Variants in LPL observed in about 807,000 individuals in gnomAD.
The protein encoded by LPL is lipoprotein lipase.
In LPL, 43 loss-of-function variants were observed where a neutral mutation model predicts 52.2. The ratio of observed to expected loss-of-function variants is 0.82; its 90% CI spans 0.64 to 1.06. LPL has a LOEUF of 1.06. Among genes scored for constraint, LPL ranks in the 50% least tolerant of loss-of-function variants. The probability of loss-of-function intolerance (pLI) is 0.00; values close to 1 mark genes in which losing one functional copy is unlikely to be tolerated. For missense variants in LPL, 639 were observed against 585.3 expected (o/e 1.09, Z -0.95); for synonymous variants, 244 against 215.6 (o/e 1.13, Z -1.15).
rs76708715 is a variant in LPL at position 19,959,377 on chromosome 8, C to T, written c.1136C>T (p.Thr379Ile). 1.3e-3 allele frequency: 2,072 copies of T among 1,614,122 alleles called. 4 individuals carry two copies. Among genetic ancestry groups the T allele is most frequent in the Non-Finnish European group, 1.2e-3 (1,445 of 1,180,008 alleles). ...GCCGAGAGTGAGAACATCCCATTCA[C>T]TCTGTGAGTAGCACAGGGGGGCGGT... Reference protein sequence around the residue: ...TVAESENIPFTLPEVSTNKTY... With the variant: ...TVAESENIPFILPEVSTNKTY... The change falls in exon 7 of 10, where the codon ACT becomes ATT. Residue 379 changes from threonine (T) to isoleucine (I), a missense_variant. Coordinates refer to ENST00000650287, the MANE Select transcript of LPL (RefSeq NM_000237.3).
At chr8:19,958,528 T>C (rs2070007487) in intron 6 of LPL, among the ~76,000 whole-genome samples, 1 of 152,146 alleles carries the variant, frequency 6.6e-6, no homozygotes, top group Non-Finnish European at 1.5e-5. Flanking sequence ...AGGCAGTCCT[T>C]GTGGCCTCAC....
intron 1 of LPL, chr8:19,946,531 G>A (rs1272520140): frequency 1.1e-5 from 3 of 272,094 alleles, no homozygotes; most frequent in Admixed American, 1.0e-4. Flanking sequence ...TTATTGGCCT[G>A]ACTTCCGCAG....
intron 9 of LPL, among the ~76,000 whole-genome samples, chr8:19,964,488 GTTAT>G (rs1425179837): frequency 1.3e-5 from 2 of 152,112 alleles, no homozygotes; most frequent in Admixed American, 1.3e-4. Flanking sequence ...TGACAGAACA[GTTAT>G]TTAGACAGAG....
intron 9 of LPL, among the ~76,000 whole-genome samples, chr8:19,963,939 T>C (rs537285798): frequency 8.1e-4 from 123 of 151,356 alleles, no homozygotes; most frequent in African/African-American, 2.9e-3. Flanking sequence ...TAGATGAAGT[T>C]TTTTTTGTTT....
rs1043176359 is a variant in LPL, at chr8:19,939,395, C to T, written c.-46C>T. ...CCAGCCTCCGGCTCAGCCGGCTCAT[C>T]AGTCGGTCCGCGCCTTGCAGCTCCT... On this transcript the variant is annotated 5_prime_UTR_variant, in exon 1 of 10. Coordinates refer to ENST00000650287, the MANE Select transcript of LPL (RefSeq NM_000237.3). The surrounding 1 kb of genome is among the most constrained non-coding windows in gnomAD (Gnocchi z 4.0). The T allele has an allele frequency of 3.9e-6, 6 of 1,555,150 alleles. No individual in the cohort carries two copies. Among genetic ancestry groups the T allele is most frequent in the African/African-American group, 2.7e-5 (2 of 73,850 alleles).
intron 1 of LPL, among the ~76,000 whole-genome samples, chr8:19,947,578 C>A (rs1418281112): frequency 2.6e-5 from 4 of 151,924 alleles, no homozygotes; most frequent in African/African-American, 2.4e-5. Flanking sequence ...TGCAGTGAAC[C>A]AAGATCGCAC....
At chr8:19,941,979 C>A (rs2069845017) in intron 1 of LPL, among the ~76,000 whole-genome samples, 1 of 152,154 alleles carries the variant, frequency 6.6e-6, no homozygotes, top group East Asian at 1.9e-4. Flanking sequence ...GTTCCACTTG[C>A]CTGGCCATCG....
At chr8:19,940,303 C>G (rs1052353779) in intron 1 of LPL, among the ~76,000 whole-genome samples, 69 of 152,228 alleles carry the variant, frequency 4.5e-4, no homozygotes, top group Non-Finnish European at 4.6e-4. Context: ...AATCTGTGGT[C>G]GCCGACTCGG....
At chr8:19,960,778 T>C (rs1229426385) in intron 7 of LPL, 123 bp from the exon 8 acceptor site, 1 of 715,806 alleles carries the variant, frequency 1.4e-6, no homozygotes, top group Non-Finnish European at 2.4e-6. Flanking sequence ...TTGGACATTT[T>C]TGTGCATTTT....
rs1054346173 is a variant in LPL, at chr8:19,966,508, G to A, written c.*1198G>A. 1.3e-5 allele frequency: 2 copies of A among 152,132 alleles called. No homozygotes were observed. The highest frequency in any genetic ancestry group is 4.8e-5 in the African/African-American group (2 of 41,412). The allele number at this position is 152,132 out of a possible 1,614,324, so 9.4% of individuals were successfully genotyped here. A position where few individuals can be genotyped will look rare whatever the true frequency, so the allele number is the denominator to read the frequency against. ...TGAGTGAACAACTATTTATAAACTA[G>A]ATCTCCTATTTTTCAGAATGCTCTT... On this transcript the variant is annotated 3_prime_UTR_variant, in exon 10 of 10. Coordinates refer to ENST00000650287, the MANE Select transcript of LPL (RefSeq NM_000237.3).
At position 19,966,608 on chromosome 8, in the gene LPL, T is replaced by C. The variant is rs2070091835; in HGVS notation, c.*1298T>C. 1 of 152,220 alleles carries C rather than the reference T, an allele frequency of 6.6e-6. No individual in the cohort carries two copies. The highest frequency in any genetic ancestry group is 2.1e-4 in the South Asian group (1 of 4,828). 9.4% of individuals were successfully genotyped at this position (152,220 alleles called of 1,614,324 possible). A position where few individuals can be genotyped will look rare whatever the true frequency, so the allele number is the denominator to read the frequency against. On this transcript the variant is annotated 3_prime_UTR_variant, in exon 10 of 10. Transcript: ENST00000650287. ...AGCTGGGAACCCGACTGTGAAAGTATGTGATATCTGAACACATACTAGAAA... is the reference window on the plus strand; with the variant it reads ...AGCTGGGAACCCGACTGTGAAAGTACGTGATATCTGAACACATACTAGAAA...
intron 1 of LPL, among the ~76,000 whole-genome samples, chr8:19,947,524 G>A (rs1461409424): frequency 2.0e-5 from 3 of 152,150 alleles, no homozygotes; most frequent in Non-Finnish European, 2.9e-5. Flanking sequence ...TGTGGTCCCA[G>A]CTACTCAGGA....
chr8:19,939,634 C>A lies in LPL; in HGVS notation c.88+106C>A. 1 of 1,165,842 alleles carries A rather than the reference C, an allele frequency of 8.6e-7. No homozygotes were observed. 72.2% of individuals were successfully genotyped at this position (1,165,842 alleles called of 1,614,324 possible). A position where few individuals can be genotyped will look rare whatever the true frequency, so the allele number is the denominator to read the frequency against. On this transcript the variant is annotated intron_variant, in intron 1 of 9. Transcript: ENST00000650287. The surrounding 1 kb of genome is among the most constrained non-coding windows in gnomAD (Gnocchi z 4.0). ...GAAGTTGGAAGGGGCGGTGGATGCG[C>A]CCAGGGACTCTCCCAGCCTGGGCTC...
At chr8:19,942,759 G>T (rs1053334982) in intron 1 of LPL, among the ~76,000 whole-genome samples, 13 of 152,218 alleles carry the variant, frequency 8.5e-5, no homozygotes, top group Non-Finnish European at 7.3e-5. Flanking sequence ...CTGCGTGACT[G>T]CAGTTTGCTG....
Position 19,952,518 on chromosome 8 carries a change from T to C in LPL, c.429+570T>C, listed in dbSNP as rs143460180. On this transcript the variant is annotated intron_variant, in intron 3 of 9. Transcript: ENST00000650287. ...GAGACCCACTTTTTCACACGATCCC[T>C]TGAGAAGTACCTCTGAAAAGTATCT... Among the ~76,000 whole-genome samples, 149 of 152,284 alleles carry C rather than the reference T, an allele frequency of 9.8e-4. 1 individual carries two copies. Among genetic ancestry groups the C allele is most frequent in the African/African-American group, 3.5e-3 (145 of 41,556 alleles).
intron 7 of LPL, 55 bp downstream of exon 7, chr8:19,959,435 C>T: frequency 6.2e-7 from 1 of 1,607,914 alleles, no homozygotes; most frequent in Non-Finnish European, 8.5e-7. Context: ...CTGCCATAAC[C>T]CTTGGTCTGA....
intron 1 of LPL, among the ~76,000 whole-genome samples, chr8:19,941,628 G>A (rs34309063): frequency 0.17 from 25,240 of 152,124 alleles, 2,403 homozygotes; most frequent in Non-Finnish European, 0.2. Flanking sequence ...GACTGGAAAC[G>A]ATGCCCTCCC....
Position 19,950,861 on chromosome 8 carries a change from G to C in LPL, c.250-908G>C, listed in dbSNP as rs756856550. Among the ~76,000 whole-genome samples, 1 of 148,602 alleles carries C rather than the reference G, an allele frequency of 6.7e-6. No homozygotes were observed. Among genetic ancestry groups the C allele is most frequent in the African/African-American group, 2.5e-5 (1 of 40,260 alleles). ...GGAATGAAAGGAAGGAAGGGAAGGA[G>C]GAAGGGAAGGAGGGAGGGAGGAAGG... On this transcript the variant is annotated intron_variant, in intron 2 of 9. Transcript: ENST00000650287. This position sits in a 1 kb window ranked among gnomAD's most constrained non-coding sequence, Gnocchi z 4.2.
Position 19,954,231 on chromosome 8 carries a change from G to C in LPL, c.653G>C (p.Gly218Ala). ...VLHTFTRGSP[G>A]RSIGIQKPVG... is the part of the protein sequence containing the mutation. Reference sequence around the variant, plus strand: ...CACACATTCACCAGAGGGTCCCCTGGTCGAAGCATTGGAATCCAGAAACCA... The same window carrying C: ...CACACATTCACCAGAGGGTCCCCTGCTCGAAGCATTGGAATCCAGAAACCA... Residue 218 changes from glycine (G) to alanine (A), a missense_variant, in exon 5 of 10, where the codon GGT becomes GCT. By Grantham distance (60) the Gly-to-Ala change is moderately conservative. Coordinates refer to ENST00000650287, the MANE Select transcript of LPL (RefSeq NM_000237.3). 1 of 1,614,176 alleles carries C rather than the reference G, an allele frequency of 6.2e-7. No homozygotes were observed. The highest frequency in any genetic ancestry group is 8.5e-7 in the Non-Finnish European group (1 of 1,180,038).
Sources: gnomAD v4.1 joint callset for allele counts (sites outside exome capture counted in the v4.1 genomes callset) on GRCh38, gnomAD v4.1.1 for gene constraint, Gnocchi (gnomAD v3.1) non-coding constraint, MANE v1.5 for transcripts, NCBI Gene and HGNC (gene_info 2026-07-23, HGNC 2026-07-21) for gene names.